Variants in PRKG1 observed in about 807,000 individuals in gnomAD.
PRKG1 encodes the protein cGMP-dependent protein kinase 1.
A neutral mutation model predicts 88.1 loss-of-function variants in PRKG1; 35 were observed. The ratio of observed to expected loss-of-function variants is 0.40; its 90% CI spans 0.30 to 0.53. PRKG1 has a LOEUF of 0.53. Among genes scored for constraint, PRKG1 ranks in the 20% least tolerant of loss-of-function variants. The pLI is 0.59. For synonymous variants in PRKG1, 303 were observed against 292.5 expected, an observed-to-expected ratio of 1.04 and a Z score of -0.37; for missense variants, 540 against 839.8, an observed-to-expected ratio of 0.64 and a Z score of 4.41.
intron 7 of PRKG1, chr10:52,127,906 G>A (rs1224971675): frequency 3.4e-6 from 2 of 582,814 alleles, no homozygotes; most frequent in African/African-American, 2.0e-5. Context: ...TTTCCTTAAA[G>A]CACATTTATC....
intron 3 of PRKG1, among the ~76,000 whole-genome samples, chr10:51,743,520 G>C (rs918233075): frequency 6.6e-6 from 1 of 151,278 alleles, no homozygotes; most frequent in East Asian, 1.9e-4. Context: ...ACATCTTCCC[G>C]AGTAGCCCAA....
At chr10:51,280,619 C>T (rs1281729252) in intron 2 of PRKG1, among the ~76,000 whole-genome samples, 1 of 152,160 alleles carries the variant, frequency 6.6e-6, no homozygotes, top group Non-Finnish European at 1.5e-5. Flanking sequence ...TTCATTTGAT[C>T]TTCCATCACT....
chr10:51,458,223 T>C (rs909019591), intron 2 of PRKG1, among the ~76,000 whole-genome samples: 2 of 152,170 alleles, frequency 1.3e-5, no homozygotes, highest in African/African-American at 4.8e-5. Context: ...ATTATACCAC[T>C]GGGTGAAGTA....
intron 1 of PRKG1, among the ~76,000 whole-genome samples, chr10:51,122,188 T>G (rs185952897): frequency 7.4e-4 from 113 of 152,278 alleles, no homozygotes; most frequent in African/African-American, 2.6e-3. Flanking sequence ...GTCCCTTTGG[T>G]CTAAAGCAAT....
At chr10:51,544,421 T>C (rs562863447) in intron 3 of PRKG1, among the ~76,000 whole-genome samples, 11 of 152,192 alleles carry the variant, frequency 7.2e-5, no homozygotes, top group African/African-American at 2.2e-4. Flanking sequence ...TTCCATGGTG[T>C]ATATGTGCCA....
chr10:51,423,491 T>C (rs990723733), intron 2 of PRKG1, among the ~76,000 whole-genome samples: 7 of 152,242 alleles, frequency 4.6e-5, no homozygotes, highest in Admixed American at 3.9e-4. Flanking sequence ...TGATTTTTTT[T>C]CTCCAGATTT....
At chr10:51,292,627 T>C (rs1840612891) in intron 2 of PRKG1, among the ~76,000 whole-genome samples, 1 of 152,186 alleles carries the variant, frequency 6.6e-6, no homozygotes, top group Non-Finnish European at 1.5e-5. Context: ...AATGCTATTT[T>C]ATAATTATAT....
At chr10:51,957,940 T>A (rs1024022098) in intron 5 of PRKG1, among the ~76,000 whole-genome samples, 1 of 152,190 alleles carries the variant, frequency 6.6e-6, no homozygotes, top group African/African-American at 2.4e-5. Flanking sequence ...GTGAGTTAGA[T>A]GCTCGGTTGA....
intron 2 of PRKG1, among the ~76,000 whole-genome samples, chr10:51,169,945 T>C (rs1846656441): frequency 6.6e-6 from 1 of 152,074 alleles, no homozygotes; most frequent in South Asian, 2.1e-4. Flanking sequence ...AATGCTCGCT[T>C]GTCTGTGTGC....
chr10:51,990,522 T>A (rs932383123), intron 5 of PRKG1, among the ~76,000 whole-genome samples: 1 of 152,104 alleles, frequency 6.6e-6, no homozygotes, highest in African/African-American at 2.4e-5. Flanking sequence ...ATGATTATGG[T>A]ATTTAATATA....
At chr10:51,042,668 G>T (rs1163860864) in intron 1 of PRKG1, among the ~76,000 whole-genome samples, 2 of 152,148 alleles carry the variant, frequency 1.3e-5, no homozygotes, top group African/African-American at 2.4e-5. Flanking sequence ...CAAGATGCCA[G>T]CCTGCCTTGC....
At chr10:51,877,045 C>A (rs1048456783) in intron 4 of PRKG1, among the ~76,000 whole-genome samples, 1 of 152,166 alleles carries the variant, frequency 6.6e-6, no homozygotes, top group Non-Finnish European at 1.5e-5. Context: ...GAGAACCCCA[C>A]ATAAAACAAA....
intron 3 of PRKG1, among the ~76,000 whole-genome samples, chr10:51,553,832 A>T: frequency 2.0e-5 from 2 of 100,076 alleles, no homozygotes; most frequent in South Asian, 8.8e-4. Context: ...CGTGTATATA[A>T]TATATGTATG....
intron 3 of PRKG1, among the ~76,000 whole-genome samples, chr10:51,678,365 A>G (rs1488091816): frequency 2.0e-5 from 3 of 152,152 alleles, no homozygotes; most frequent in Admixed American, 1.3e-4. Context: ...ACATATTTCT[A>G]ATGTTCAAGC....
At chr10:52,264,011 A>G (rs1181788329) in intron 10 of PRKG1, among the ~76,000 whole-genome samples, 1 of 152,110 alleles carries the variant, frequency 6.6e-6, no homozygotes, top group African/African-American at 2.4e-5. Flanking sequence ...TATTTAATGT[A>G]TAGTAACTTC....
rs184082408 is a variant in PRKG1 at position 52,054,605 on chromosome 10, G to C, written c.840+44G>C. The C allele has an allele frequency of 3.9e-4, 619 of 1,568,722 alleles. 4 individuals are homozygous for C. In the East Asian group the frequency reaches 0.012, roughly 31 times the overall value. Reference sequence around the variant, plus strand: ...AGACAGTGATGCACTAGGGGAGCCTGGGGTTGGTTAGTAACTCCAGTAGGA... The same window carrying C: ...AGACAGTGATGCACTAGGGGAGCCTCGGGTTGGTTAGTAACTCCAGTAGGA... On this transcript the variant is annotated intron_variant, in intron 6 of 17. Coordinates refer to ENST00000373980, the MANE Select transcript of PRKG1 (RefSeq NM_006258.4).
chr10:51,627,955 T>C (rs1564579637), intron 3 of PRKG1, among the ~76,000 whole-genome samples: 5 of 21,082 alleles, frequency 2.4e-4, no homozygotes, highest in Admixed American at 7.7e-4. Flanking sequence ...TCTTTCTTTC[T>C]TTCTTTCTTT....
chr10:51,897,312 T>C (rs1841875862), intron 4 of PRKG1, among the ~76,000 whole-genome samples: 1 of 152,198 alleles, frequency 6.6e-6, no homozygotes, highest in Admixed American at 6.6e-5. Context: ...AAACAATACT[T>C]GTCAATGTTG....
At chr10:51,584,592 G>A (rs10998361) in intron 3 of PRKG1, among the ~76,000 whole-genome samples, 10,518 of 152,008 alleles carry the variant, frequency 0.069, 1,195 homozygotes, top group African/African-American at 0.24. Flanking sequence ...CAACATTTAT[G>A]GAGTGTCTGG....
Sources: allele counts gnomAD v4.1 joint callset (sites outside exome capture counted in the v4.1 genomes callset), GRCh38; gene constraint gnomAD v4.1.1; transcripts MANE v1.5; gene names NCBI Gene and HGNC (gene_info 2026-07-23, HGNC 2026-07-21).